PRELID2: variants seen among roughly 807,000 people sequenced by gnomAD.
PRELID2 encodes the protein PRELI domain containing 2.
A neutral mutation model predicts 28.4 loss-of-function variants in PRELID2; 25 were observed. The ratio of observed to expected loss-of-function variants is 0.88; its 90% CI spans 0.64 to 1.23. The LOEUF (loss-of-function observed/expected upper bound fraction) is 1.23. PRELID2 is among the 50% of genes most tolerant of loss of function. The pLI is 0.00. For missense variants in PRELID2, 201 were observed against 214.4 expected (o/e 0.94, Z 0.39); for synonymous variants, 76 against 71.6 (o/e 1.06, Z -0.31).
the PRELID2 span, among the ~76,000 whole-genome samples, chr5:145,350,180 G>C: frequency 6.6e-6 from 1 of 152,158 alleles, no homozygotes; most frequent in Non-Finnish European, 1.5e-5. Flanking sequence ...GATAAAGCCT[G>C]ATGACTCCTT....
At chr5:145,710,409 T>A (rs543909296) in intron 1 of PRELID2, among the ~76,000 whole-genome samples, 1 of 152,272 alleles carries the variant, frequency 6.6e-6, no homozygotes. Context: ...TGGGCCTCAA[T>A]TTTTCCCTTT....
the PRELID2 span, among the ~76,000 whole-genome samples, chr5:145,256,461 A>C: frequency 0.077 from 11,752 of 151,980 alleles, 1,085 homozygotes; most frequent in African/African-American, 0.21. Context: ...CCAGAATCAT[A>C]TCCTTATTTT....
chr5:145,828,087 G>A lies in PRELID2; in HGVS notation c.76-4953C>T, dbSNP rs951380165. Among the ~76,000 whole-genome samples the A allele has an allele frequency of 2.6e-5, 4 of 152,254 alleles. No individual in the cohort carries two copies. The East Asian group carries it at 5.8e-4, about 22-fold the overall frequency. ...AAATAAAAAACAAAATTAAAGACAC[G>A]ATGTTAGAAAACAGTGAATTTTAGA... On this transcript the variant is annotated intron_variant, in intron 1 of 6. Coordinates refer to ENST00000683046, the MANE Select transcript of PRELID2 (RefSeq NM_205846.3).
the PRELID2 span, among the ~76,000 whole-genome samples, chr5:145,232,261 A>T: frequency 6.6e-6 from 1 of 152,202 alleles, no homozygotes; most frequent in African/African-American, 2.4e-5. Flanking sequence ...GCAGCTTAAC[A>T]TACATTCTCT....
intron 1 of PRELID2, among the ~76,000 whole-genome samples, chr5:145,562,711 C>T (rs754560970): frequency 1.3e-5 from 2 of 151,210 alleles, no homozygotes; most frequent in Non-Finnish European, 2.9e-5. Context: ...AAAGTACACA[C>T]AAGTTTTATA....
At chr5:145,520,033 G>C (rs1314977535) in intron 1 of PRELID2, among the ~76,000 whole-genome samples, 2 of 152,116 alleles carry the variant, frequency 1.3e-5, no homozygotes, top group African/African-American at 4.8e-5. Flanking sequence ...TCAGGATTCC[G>C]ACCAATTTGA....
the PRELID2 span, among the ~76,000 whole-genome samples, chr5:145,239,195 A>AC: frequency 1.3e-5 from 2 of 152,088 alleles, no homozygotes; most frequent in African/African-American, 2.4e-5. Flanking sequence ...TTTATGACTG[A>AC]CCAATGATTC....
the PRELID2 span, among the ~76,000 whole-genome samples, chr5:145,262,113 C>G: frequency 6.6e-6 from 1 of 152,004 alleles, no homozygotes; most frequent in South Asian, 2.1e-4. Flanking sequence ...AGCTCAAAGA[C>G]AAGGCTTTGG....
chr5:145,607,969 G>A (rs965142317), intron 1 of PRELID2, among the ~76,000 whole-genome samples: 8 of 151,000 alleles, frequency 5.3e-5, no homozygotes, highest in African/African-American at 1.7e-4. Flanking sequence ...AGGTCTTCTT[G>A]TTGAACTGAA....
chr5:145,390,260 C>T, the PRELID2 span, among the ~76,000 whole-genome samples: 1 of 152,212 alleles, frequency 6.6e-6, no homozygotes, highest in Non-Finnish European at 1.5e-5. Context: ...ACAAAATTTA[C>T]ATAGGCCTAG....
At chr5:145,294,868 G>A in the PRELID2 span, among the ~76,000 whole-genome samples, 1 of 152,092 alleles carries the variant, frequency 6.6e-6, no homozygotes, top group Admixed American at 6.6e-5. Flanking sequence ...GCCTCAAAAT[G>A]AGAATTTCCA....
rs1489160277 is a variant in PRELID2 at position 145,492,596 on chromosome 5, G to C, written n.71-19281C>G. Reference sequence around the variant, plus strand: ...TTATATCCAAAAATTCATTGCCTAGGTCAATGTCATAGAGCTTTTTCACTA... The same window carrying C: ...TTATATCCAAAAATTCATTGCCTAGCTCAATGTCATAGAGCTTTTTCACTA... On this transcript the variant is annotated intron_variant and non_coding_transcript_variant, in intron 1 of 2. Transcript: ENST00000510259. Among the ~76,000 whole-genome samples the C allele has an allele frequency of 2.8e-5, 4 of 141,252 alleles. 1 individual carries two copies. The highest frequency in any genetic ancestry group is 1.0e-4 in the African/African-American group (4 of 40,078). 92.7% of individuals were successfully genotyped at this position (141,252 alleles called of 152,430 possible).
At chr5:145,579,315 T>G (rs1753088100) in intron 1 of PRELID2, among the ~76,000 whole-genome samples, 1 of 152,108 alleles carries the variant, frequency 6.6e-6, no homozygotes. Flanking sequence ...ATTATTAGCC[T>G]GGATGGGGAG....
chr5:145,466,449 A>C, the PRELID2 span, among the ~76,000 whole-genome samples: 28 of 152,278 alleles, frequency 1.8e-4, no homozygotes, highest in South Asian at 8.3e-4. Flanking sequence ...TGTGCTGGTA[A>C]TTAAAGTCAA....
At chr5:145,472,112 A>T (rs898642002) in exon 3 of PRELID2, 1 of 152,500 alleles carries the variant, frequency 6.6e-6, no homozygotes, top group African/African-American at 2.4e-5. Flanking sequence ...AGAAGCTTGC[A>T]ATGGCCTCCA....
chr5:145,576,250 C>T lies in PRELID2; in HGVS notation n.71-102935G>A, dbSNP rs139369690. ...AGTTTCATCACCCCAAAAAGAAACC[C>T]CATATTAGCAGTCACTCCCCATTCC... On this transcript the variant is annotated intron_variant and non_coding_transcript_variant, in intron 1 of 2. Coordinates refer to the PRELID2 transcript ENST00000510259. Among the ~76,000 whole-genome samples, 654 of 152,122 alleles carry T rather than the reference C, an allele frequency of 4.3e-3. 4 individuals are homozygous for T. Among genetic ancestry groups the T allele is most frequent in the African/African-American group, 0.015 (636 of 41,472 alleles).
At chr5:145,587,368 C>T (rs537984424) in intron 1 of PRELID2, among the ~76,000 whole-genome samples, 3 of 152,192 alleles carry the variant, frequency 2.0e-5, no homozygotes, top group Non-Finnish European at 2.9e-5. Context: ...CCTTCGGGCC[C>T]GGGTGGCTGG....
chr5:145,645,386 T>C (rs1217189407), intron 1 of PRELID2, among the ~76,000 whole-genome samples: 2 of 145,774 alleles, frequency 1.4e-5, no homozygotes, highest in Non-Finnish European at 3.0e-5. Context: ...TTCCATTTGC[T>C]TGGTAAATAT....
At chr5:145,249,914 TCTCC>T in the PRELID2 span, among the ~76,000 whole-genome samples, 3 of 151,170 alleles carry the variant, frequency 2.0e-5, no homozygotes, top group African/African-American at 7.3e-5. Context: ...TTTCCATGCC[TCTCC>T]CTCTCTCTCT....
Sources: gnomAD v4.1 joint callset for allele counts (sites outside exome capture counted in the v4.1 genomes callset) on GRCh38, gnomAD v4.1.1 for gene constraint, MANE v1.5 for transcripts, NCBI Gene and HGNC (gene_info 2026-07-23, HGNC 2026-07-21) for gene names.